Variants in CCNY observed in about 807,000 individuals in gnomAD.
The protein encoded by CCNY is cyclin Y.
Under a neutral mutation model 42.8 loss-of-function variants are expected in CCNY, and 19 were observed. The ratio of observed to expected loss-of-function variants is 0.44; its 90% confidence interval spans 0.31 to 0.65. The LOEUF (loss-of-function observed/expected upper bound fraction) is 0.65. Ranked by LOEUF, CCNY falls within the 30% of genes least tolerant of loss-of-function variation. The pLI is 0.07. For missense variants in CCNY, 370 were observed against 437.3 expected (o/e 0.85, Z 1.37); for synonymous variants, 165 against 162.7 (o/e 1.01, Z -0.11).
chr10:35,279,227 T>TGCCTCA (rs1398869710), intron 3 of CCNY, among the ~76,000 whole-genome samples: 7 of 151,628 alleles, frequency 4.6e-5, no homozygotes, highest in Admixed American at 3.3e-4. Flanking sequence ...GTGATTCTTC[T>TGCCTCA]GCCTCAGCCT....
At chr10:35,301,050 C>G (rs966047536) in intron 3 of CCNY, among the ~76,000 whole-genome samples, 2 of 152,088 alleles carry the variant, frequency 1.3e-5, no homozygotes, top group Admixed American at 6.6e-5. Flanking sequence ...TCAAGTGATC[C>G]GCCCGCTTCG....
At chr10:35,435,235 C>G (rs1349613543) in intron 1 of CCNY, among the ~76,000 whole-genome samples, 3 of 152,210 alleles carry the variant, frequency 2.0e-5, no homozygotes, top group Non-Finnish European at 4.4e-5. Context: ...CCAGGGCCTT[C>G]AGTAGCTACA....
At chr10:35,479,993 C>T (rs1474416002) in intron 1 of CCNY, among the ~76,000 whole-genome samples, 5 of 151,788 alleles carry the variant, frequency 3.3e-5, no homozygotes, top group African/African-American at 1.2e-4. Flanking sequence ...TGGCTTTTCC[C>T]CTTTTTTTTT....
chr10:35,382,786 T>A (rs1323041590), intron 1 of CCNY, among the ~76,000 whole-genome samples: 1 of 152,226 alleles, frequency 6.6e-6, no homozygotes, highest in African/African-American at 2.4e-5. Context: ...CTCATAAGGT[T>A]GTTGTGAAAA....
Position 35,569,984 on chromosome 10 carries a change from A to G in CCNY, c.*814A>G, listed in dbSNP as rs1841654383. On this transcript the variant is annotated 3_prime_UTR_variant, in exon 10 of 10. Coordinates refer to ENST00000374704, the MANE Select transcript of CCNY (RefSeq NM_145012.6). ...TTCCTGACCTGAAGTTGTTGTTACA[A>G]AATCAGTCAGACTTTGTGGGCTGAA... is the stretch of plus-strand genomic sequence containing the variant. 1 of 152,706 alleles carries G rather than the reference A, an allele frequency of 6.5e-6. No individual in the cohort carries two copies. The highest frequency in any genetic ancestry group is 2.1e-4 in the South Asian group (1 of 4,820). 9.5% of individuals were successfully genotyped at this position (152,706 alleles called of 1,614,324 possible).
intron 1 of CCNY, among the ~76,000 whole-genome samples, chr10:35,409,151 C>T (rs1837848702): frequency 6.6e-6 from 1 of 151,848 alleles, no homozygotes; most frequent in African/African-American, 2.4e-5. Context: ...TGTCAAGCTC[C>T]TGATCCTAAT....
chr10:35,273,010 C>G (rs1294941040), intron 3 of CCNY, among the ~76,000 whole-genome samples: 5 of 151,506 alleles, frequency 3.3e-5, no homozygotes, highest in Admixed American at 3.3e-4. Context: ...TTGCCTTTCT[C>G]TAATGATCAG....
Position 35,423,240 on chromosome 10 carries a change from C to T in CCNY, c.155-60164C>T, listed in dbSNP as rs75545988. Reference sequence around the variant, plus strand: ...CTGTAATGTCAACACTTCAGGAGGCCGAGGCAGTTGGATTGCTTGAGCCTA... The same window carrying T: ...CTGTAATGTCAACACTTCAGGAGGCTGAGGCAGTTGGATTGCTTGAGCCTA... On this transcript the variant is annotated intron_variant, in intron 1 of 9. Coordinates refer to ENST00000374704, the MANE Select transcript of CCNY (RefSeq NM_145012.6). Among the ~76,000 whole-genome samples the T allele has an allele frequency of 4.9e-4, 74 of 152,028 alleles. 1 individual carries two copies. In the East Asian group the frequency reaches 0.011, roughly 23 times the overall value.
chr10:35,330,102 C>G (rs1835924978), intron 3 of CCNY, among the ~76,000 whole-genome samples: 1 of 152,150 alleles, frequency 6.6e-6, no homozygotes, highest in Non-Finnish European at 1.5e-5. Context: ...AGCCAGTTAA[C>G]TAAGATTAAG....
At chr10:35,258,458 G>A (rs1212058824) in intron 3 of CCNY, among the ~76,000 whole-genome samples, 1 of 152,194 alleles carries the variant, frequency 6.6e-6, no homozygotes, top group Non-Finnish European at 1.5e-5. Flanking sequence ...GAAGAGTGCT[G>A]GCCCTTCATT....
At chr10:35,537,865 T>C (rs899504742) in intron 7 of CCNY, among the ~76,000 whole-genome samples, 2 of 152,056 alleles carry the variant, frequency 1.3e-5, no homozygotes, top group African/African-American at 4.8e-5. Flanking sequence ...GGAGGCATGA[T>C]TGGTTTTGAA....
At chr10:35,539,797 A>G (rs1404765748) in intron 7 of CCNY, among the ~76,000 whole-genome samples, 2 of 152,232 alleles carry the variant, frequency 1.3e-5, no homozygotes, top group Non-Finnish European at 2.9e-5. Context: ...AATAAAAAAG[A>G]AAAGGAAATT....
chr10:35,316,583 C>T (rs1033829323), intron 3 of CCNY, among the ~76,000 whole-genome samples: 2 of 152,112 alleles, frequency 1.3e-5, no homozygotes, highest in Non-Finnish European at 2.9e-5. Flanking sequence ...TTTTTTAAAA[C>T]ATGGTTGTGT....
intron 1 of CCNY, among the ~76,000 whole-genome samples, chr10:35,362,789 C>T (rs1589061786): frequency 1.3e-5 from 2 of 149,448 alleles, no homozygotes; most frequent in South Asian, 2.1e-4. Flanking sequence ...GTGTGGGGGC[C>T]GGCCAGAGGC....
intron 1 of CCNY, among the ~76,000 whole-genome samples, chr10:35,415,927 T>C (rs1838013470): frequency 6.6e-6 from 1 of 152,074 alleles, no homozygotes; most frequent in African/African-American, 2.4e-5. Context: ...AAACCAATGA[T>C]TTTTTAAAAG....
intron 1 of CCNY, among the ~76,000 whole-genome samples, chr10:35,421,916 G>A (rs531469335): frequency 2.6e-5 from 4 of 152,054 alleles, no homozygotes; most frequent in East Asian, 1.9e-4. Flanking sequence ...TTCAGTCTCC[G>A]TAACAATCTT....
At chr10:35,345,986 G>A (rs528968063) in intron 1 of CCNY, among the ~76,000 whole-genome samples, 111 of 152,236 alleles carry the variant, frequency 7.3e-4, no homozygotes, top group African/African-American at 2.4e-3. Flanking sequence ...CTGTGTCCCC[G>A]GAACCACATT....
At chr10:35,565,069 A>G (rs192098203) in intron 8 of CCNY, among the ~76,000 whole-genome samples, 1 of 152,188 alleles carries the variant, frequency 6.6e-6, no homozygotes, top group Non-Finnish European at 1.5e-5. Flanking sequence ...TGCTCCACAG[A>G]TAGTTCCCTC....
intron 3 of CCNY, among the ~76,000 whole-genome samples, chr10:35,290,222 TCA>T (rs368209050): frequency 0.019 from 2,358 of 122,924 alleles, 12 homozygotes; most frequent in African/African-American, 0.027. Flanking sequence ...CAAGACTCCA[TCA>T]CACACACACA....
Sources: gnomAD v4.1 joint callset for allele counts (sites outside exome capture counted in the v4.1 genomes callset) on GRCh38, gnomAD v4.1.1 for gene constraint, MANE v1.5 for transcripts, NCBI Gene and HGNC (gene_info 2026-07-23, HGNC 2026-07-21) for gene names.